The following ARHGAP28 variants were observed in gnomAD, a reference collection of about 807,000 sequenced individuals.
The protein encoded by ARHGAP28 is Rho GTPase activating protein 28, also known as rho GTPase-activating protein 28.
A neutral mutation model predicts 90.7 loss-of-function variants in ARHGAP28; 56 were observed. That is an observed-to-expected ratio of 0.62 (90% CI 0.50 to 0.77). The LOEUF is 0.77. ARHGAP28 is among the 30% of genes least tolerant of loss of function. The probability of loss-of-function intolerance (pLI) is 0.00; values close to 1 mark genes in which losing one functional copy is unlikely to be tolerated. For missense variants in ARHGAP28, 869 were observed against 900.9 expected, an observed-to-expected ratio of 0.96 and a Z score of 0.45; for synonymous variants, 308 against 323.3, an observed-to-expected ratio of 0.95 and a Z score of 0.51.
At chr18:6,807,581 T>C (rs1213811271) in intron 1 of ARHGAP28, among the ~76,000 whole-genome samples, 1 of 152,226 alleles carries the variant, frequency 6.6e-6, no homozygotes, top group African/African-American at 2.4e-5. Flanking sequence ...ACTCTATCCA[T>C]GGTCTTATAA....
chr18:6,785,277 C>G (rs2056356880), intron 1 of ARHGAP28, among the ~76,000 whole-genome samples: 1 of 152,150 alleles, frequency 6.6e-6, no homozygotes, highest in African/African-American at 2.4e-5. Context: ...ATCATTATAA[C>G]TTTTAAAAAA....
At chr18:6,747,412 G>T (rs2056032498) in intron 1 of ARHGAP28, among the ~76,000 whole-genome samples, 1 of 152,140 alleles carries the variant, frequency 6.6e-6, no homozygotes. Context: ...GATAGTTTTT[G>T]TAGATATGTT....
chr18:6,753,389 A>G (rs1328107653), intron 1 of ARHGAP28, among the ~76,000 whole-genome samples: 1 of 152,186 alleles, frequency 6.6e-6, no homozygotes, highest in Non-Finnish European at 1.5e-5. Context: ...ATAAGAACAG[A>G]TACTGTGTTT....
At chr18:6,753,607 T>C (rs2056086901) in intron 1 of ARHGAP28, among the ~76,000 whole-genome samples, 2 of 152,256 alleles carry the variant, frequency 1.3e-5, no homozygotes, top group South Asian at 4.1e-4. Flanking sequence ...GTTTAAAGAT[T>C]ATTCTTAATA....
chr18:6,839,105 T>C (rs550241902), intron 3 of ARHGAP28, among the ~76,000 whole-genome samples: 6 of 152,264 alleles, frequency 3.9e-5, no homozygotes, highest in African/African-American at 1.4e-4. Context: ...CAAGGGATGA[T>C]TTTATGGGAA....
intron 4 of ARHGAP28, among the ~76,000 whole-genome samples, chr18:6,854,255 A>G (rs1945123287): frequency 6.6e-6 from 1 of 151,646 alleles, no homozygotes; most frequent in African/African-American, 2.4e-5. Context: ...TTCTATTCTT[A>G]TTTTAGTTGC....
chr18:6,740,187 C>T (rs1351647518), intron 1 of ARHGAP28, among the ~76,000 whole-genome samples: 1 of 152,186 alleles, frequency 6.6e-6, no homozygotes, highest in Non-Finnish European at 1.5e-5. Context: ...CATTGAGAAA[C>T]CACACTTCAT....
chr18:6,861,971 A>T (rs1019184565), intron 5 of ARHGAP28, among the ~76,000 whole-genome samples: 3 of 152,120 alleles, frequency 2.0e-5, no homozygotes, highest in African/African-American at 4.8e-5. Context: ...TTTTTTCTGA[A>T]GGCAGGTTGA....
Position 6,729,848 on chromosome 18 carries a change from G to A in ARHGAP28, c.27G>A (p.Val9=). The change falls in exon 1 of 18, where the codon GTG becomes GTA. Residue 9 remains valine, a synonymous_variant. Transcript: ENST00000383472. ...TGGAGGTGGAGGACTCGGGCGGCGT[G>A]GTGCTGACCGCCTACCACTCGTACG... The part of the protein sequence containing the change: MEVEDSGG[V]VLTAYHSYAR... The A allele has an allele frequency of 7.0e-7, 1 of 1,428,928 alleles. No individual in the cohort carries two copies. The highest frequency in any genetic ancestry group is 9.1e-7 in the Non-Finnish European group (1 of 1,094,576). 88.5% of individuals were successfully genotyped at this position (1,428,928 alleles called of 1,614,324 possible).
chr18:6,789,669 CT>C (rs2056391796), intron 1 of ARHGAP28: 2 of 152,122 alleles, frequency 1.3e-5, no homozygotes, highest in South Asian at 4.2e-4. Context: ...AATGTTTTAC[CT>C]ATGTAGGAAA....
rs139058141 is a variant in ARHGAP28, at chr18:6,889,132, T to C, written c.1537-756T>C. Among the ~76,000 whole-genome samples, 322 of 152,334 alleles carry C rather than the reference T, an allele frequency of 2.1e-3. 2 individuals are homozygous for C. The highest frequency in any genetic ancestry group is 7.4e-3 in the African/African-American group (307 of 41,582). ...TTACTATTTAGTGCTGTTTTTCTCA[T>C]TGCAAATACTGTACAGTGGAATTCA... On this transcript the variant is annotated intron_variant, in intron 12 of 17. Transcript: ENST00000383472.
At chr18:6,781,776 TC>T (rs2143485000) in intron 1 of ARHGAP28, among the ~76,000 whole-genome samples, 1 of 152,382 alleles carries the variant, frequency 6.6e-6, no homozygotes, top group South Asian at 2.1e-4. Flanking sequence ...GCAAATTCTT[TC>T]CTTCTCCCTA....
intron 1 of ARHGAP28, among the ~76,000 whole-genome samples, chr18:6,782,592 ATTTTTTTTTTTTTTT>A (rs10602816): frequency 4.2e-3 from 111 of 26,690 alleles, no homozygotes; most frequent in Admixed American, 7.0e-3. Context: ...TAATTTTTGT[ATTTTTTTTTTTTTTT>A]TTTTTTTTTT....
chr18:6,800,238 G>A (rs189377265), intron 1 of ARHGAP28, among the ~76,000 whole-genome samples: 68 of 152,304 alleles, frequency 4.5e-4, no homozygotes, highest in Admixed American at 1.4e-3. Flanking sequence ...TGGAGAAATA[G>A]GAACACTTTT....
chr18:6,839,403 C>A (rs1188633458), intron 3 of ARHGAP28, among the ~76,000 whole-genome samples: 1 of 151,600 alleles, frequency 6.6e-6, no homozygotes, highest in East Asian at 1.9e-4. Flanking sequence ...ACGCCATTCT[C>A]CCCCCTCAGC....
rs1032334521 is a variant in ARHGAP28, at chr18:6,770,503, A to G, written c.122+40560A>G. Among the ~76,000 whole-genome samples, 7 of 152,288 alleles carry G rather than the reference A, an allele frequency of 4.6e-5. 2 individuals carry two copies. ...TGAAGAAAAAAGACTTGACTCTTGG[A>G]TGGCAGTTTCCACAATTCATCCCCA... On this transcript the variant is annotated intron_variant, in intron 1 of 17. Transcript: ENST00000383472.
rs938245345 is a variant in ARHGAP28 at position 6,915,346 on chromosome 18, C to T, written c.*3192C>T. ...TCCTAGCGAGCATATTTCAACTGTT[C>T]TTCATAAATGTTTATGTGCCTTAAA... On this transcript the variant is annotated 3_prime_UTR_variant, in exon 18 of 18. Transcript: ENST00000383472. 2 of 152,132 alleles carry T rather than the reference C, an allele frequency of 1.3e-5. No homozygotes were observed. Among genetic ancestry groups the T allele is most frequent in the African/African-American group, 4.8e-5 (2 of 41,426 alleles). 9.4% of individuals were successfully genotyped at this position (152,132 alleles called of 1,614,324 possible).
At chr18:6,839,992 G>T (rs2056792591) in intron 3 of ARHGAP28, among the ~76,000 whole-genome samples, 1 of 152,132 alleles carries the variant, frequency 6.6e-6, no homozygotes, top group African/African-American at 2.4e-5. Flanking sequence ...CAGATGTTCT[G>T]CTGGGTTCTA....
At chr18:6,730,237 A>ATATATATATATATATATATAT (rs1555621928) in intron 1 of ARHGAP28, 3 of 193,338 alleles carry the variant, frequency 1.6e-5, no homozygotes, top group Admixed American at 6.4e-5. Flanking sequence ...ATATATATAT[A>ATATATATATATATATATATAT]CCTCATTTCG....
Sources: gnomAD v4.1 joint callset for allele counts (sites outside exome capture counted in the v4.1 genomes callset) on GRCh38, gnomAD v4.1.1 for gene constraint, MANE v1.5 for transcripts, NCBI Gene and HGNC (gene_info 2026-07-23, HGNC 2026-07-21) for gene names.